The following AHI1 variants were observed in gnomAD, a reference collection of about 807,000 sequenced individuals.
AHI1 encodes the protein jouberin.
In AHI1, 123 loss-of-function variants were observed where a neutral mutation model predicts 149.3. The observed-to-expected ratio is 0.82, with a 90% CI of 0.71 to 0.96. AHI1 has a LOEUF of 0.96. Ranked by LOEUF, AHI1 falls within the 40% of genes least tolerant of loss-of-function variation. The probability of loss-of-function intolerance (pLI) is 0.00; values close to 1 mark genes in which losing one functional copy is unlikely to be tolerated. For missense variants in AHI1, 1,439 were observed against 1,422.7 expected, an observed-to-expected ratio of 1.01 and a Z score of -0.18; for synonymous variants, 475 against 459.8, an observed-to-expected ratio of 1.03 and a Z score of -0.42.
chr6:135,439,395 T>C (rs991155836), intron 14 of AHI1, among the ~76,000 whole-genome samples: 11 of 152,254 alleles, frequency 7.2e-5, no homozygotes, highest in Non-Finnish European at 1.2e-4. Flanking sequence ...ACTTAGTAGC[T>C]GTCTCAGTTA....
At chr6:135,391,959 T>A (rs929527994) in intron 23 of AHI1, among the ~76,000 whole-genome samples, 1 of 152,108 alleles carries the variant, frequency 6.6e-6, no homozygotes, top group African/African-American at 2.4e-5. Flanking sequence ...ATACTGGGAT[T>A]AGGAAAACTT....
chr6:135,411,562 T>C lies in AHI1; in HGVS notation c.2765-18A>G, dbSNP rs779024990. On this transcript the variant is annotated intron_variant, in intron 20 of 28. Coordinates refer to ENST00000265602, the MANE Select transcript of AHI1 (RefSeq NM_001134831.2). The stretch of plus-strand genomic sequence containing the variant: ...CTGGGCAACTGAAGAAATGAATCCA[T>C]AATTAGTTAAATCATCATAGCAAAA... 1.3e-6 allele frequency: 2 copies of C among 1,536,068 alleles called. No homozygotes were observed. Among genetic ancestry groups the C allele is most frequent in the Non-Finnish European group, 1.8e-6 (2 of 1,141,880 alleles).
rs1784023146 is a variant in AHI1, at chr6:135,427,164, TACCATGG to T, written c.2760_2764+2del. ...TTCTTTACTTATCAAGTGGTAGACT[TACCATGG>T]AAATCGTAAATATACAGAAGAATTG... On this transcript the variant is annotated splice_donor_variant and coding_sequence_variant, in exon 20 of 29. Coordinates refer to ENST00000265602, the MANE Select transcript of AHI1 (RefSeq NM_001134831.2). LOFTEE classifies it high-confidence loss of function. 2 of 1,608,812 alleles carry T rather than the reference TACCATGG, an allele frequency of 1.2e-6. No homozygotes were observed. Among genetic ancestry groups the T allele is most frequent in the Non-Finnish European group, 1.7e-6 (2 of 1,176,764 alleles).
At chr6:135,421,860 C>T (rs1783207303) in intron 20 of AHI1, among the ~76,000 whole-genome samples, 1 of 152,064 alleles carries the variant, frequency 6.6e-6, no homozygotes. Flanking sequence ...TAAAATGTGG[C>T]ATTTCTATCT....
At chr6:135,368,521 C>T (rs1006812457) in intron 23 of AHI1, among the ~76,000 whole-genome samples, 3 of 152,036 alleles carry the variant, frequency 2.0e-5, no homozygotes, top group Non-Finnish European at 2.9e-5. Flanking sequence ...GGGGGGCACC[C>T]GCAGGATTAG....
chr6:135,385,446 T>A (rs1169638782), intron 23 of AHI1, among the ~76,000 whole-genome samples: 2 of 152,182 alleles, frequency 1.3e-5, no homozygotes, highest in African/African-American at 2.4e-5. Context: ...AGTGATCCAA[T>A]GTGTCAAATG....
At chr6:135,297,348 T>G (rs1384597034) in intron 27 of AHI1, 2 of 444,658 alleles carry the variant, frequency 4.5e-6, no homozygotes, top group African/African-American at 2.0e-5. Flanking sequence ...CCTCTCTTCA[T>G]AGCCGTATGC....
chr6:135,462,809 G>C (rs528997996), intron 8 of AHI1, among the ~76,000 whole-genome samples: 5 of 152,066 alleles, frequency 3.3e-5, no homozygotes, highest in African/African-American at 1.2e-4. Flanking sequence ...GCCGAGGCAG[G>C]AGAATCGCTT....
chr6:135,371,638 A>G (rs1775076462), intron 23 of AHI1, among the ~76,000 whole-genome samples: 1 of 152,192 alleles, frequency 6.6e-6, no homozygotes, highest in Non-Finnish European at 1.5e-5. Context: ...CTTTTCAACT[A>G]ATCTTCTATG....
intron 23 of AHI1, among the ~76,000 whole-genome samples, chr6:135,373,511 T>C (rs1287386062): frequency 1.3e-5 from 2 of 152,252 alleles, no homozygotes; most frequent in African/African-American, 4.8e-5. Flanking sequence ...ATTTCCCAGA[T>C]ACTAATACAG....
chr6:135,319,876 G>C (rs1271577052), intron 25 of AHI1, among the ~76,000 whole-genome samples: 2 of 152,192 alleles, frequency 1.3e-5, no homozygotes, highest in Non-Finnish European at 2.9e-5. Flanking sequence ...AAGATACAAA[G>C]AGAGTAAGTT....
At chr6:135,313,069 G>A (rs1785437558) in intron 26 of AHI1, among the ~76,000 whole-genome samples, 1 of 152,192 alleles carries the variant, frequency 6.6e-6, no homozygotes, top group Non-Finnish European at 1.5e-5. Context: ...CTAGCCAGGT[G>A]CTAAGAAGCT....
At position 135,487,504 on chromosome 6, in the gene AHI1, A is replaced by G. The variant is rs574048808; in HGVS notation, c.135+3119T>C. Among the ~76,000 whole-genome samples the G allele has an allele frequency of 3.9e-5, 6 of 152,294 alleles. No homozygotes were observed. In the East Asian group the frequency reaches 7.7e-4, roughly 20 times the overall value. On this transcript the variant is annotated intron_variant, in intron 5 of 28. Transcript: ENST00000265602. ...TTTAACTGATTTCAAAGTTCATCCAATGGTATTTTTGGATCATAAATTTCC... is the reference window on the plus strand; with the variant it reads ...TTTAACTGATTTCAAAGTTCATCCAGTGGTATTTTTGGATCATAAATTTCC...
chr6:135,363,882 C>G (rs1314038501), intron 23 of AHI1, among the ~76,000 whole-genome samples: 2 of 147,684 alleles, frequency 1.4e-5, no homozygotes. Flanking sequence ...GGCGGCTGGC[C>G]GGACGGGGGG....
At chr6:135,493,387 G>T (rs1490956573) in intron 3 of AHI1, among the ~76,000 whole-genome samples, 2 of 152,174 alleles carry the variant, frequency 1.3e-5, no homozygotes, top group Non-Finnish European at 2.9e-5. Flanking sequence ...TAAAAAGAAA[G>T]GAATGATTAT....
intron 4 of AHI1, 43 bp from the exon 5 acceptor site, chr6:135,490,790 A>T: frequency 1.2e-6 from 2 of 1,605,072 alleles, no homozygotes; most frequent in Non-Finnish European, 1.7e-6. Flanking sequence ...TGACTCTATC[A>T]TAACACACAA....
At chr6:135,376,953 A>G (rs936323290) in intron 23 of AHI1, among the ~76,000 whole-genome samples, 4 of 149,480 alleles carry the variant, frequency 2.7e-5, no homozygotes, top group African/African-American at 7.3e-5. Flanking sequence ...AGTCAATGTC[A>G]TAACAACCAA....
At chr6:135,477,952 C>A (rs2128116873) in intron 5 of AHI1, among the ~76,000 whole-genome samples, 1 of 151,872 alleles carries the variant, frequency 6.6e-6, no homozygotes, top group South Asian at 2.1e-4. Context: ...CATTTGCCAC[C>A]ACACCCGGCT....
chr6:135,321,462 T>C (rs1385364605), intron 25 of AHI1, among the ~76,000 whole-genome samples: 2 of 152,096 alleles, frequency 1.3e-5, no homozygotes, highest in African/African-American at 2.4e-5. Context: ...CAATGGGACT[T>C]AGGGCACTTG....
Sources: gnomAD v4.1 joint callset for allele counts (sites outside exome capture counted in the v4.1 genomes callset) on GRCh38, gnomAD v4.1.1 for gene constraint, MANE v1.5 for transcripts, NCBI Gene and HGNC (gene_info 2026-07-23, HGNC 2026-07-21) for gene names.